The following SORCS1 variants were observed in gnomAD, a reference collection of about 807,000 sequenced individuals.
The protein encoded by SORCS1 is sortilin related VPS10 domain containing receptor 1.
Under a neutral mutation model 146.1 loss-of-function variants are expected in SORCS1, and 60 were observed. That is an observed-to-expected ratio of 0.41 (90% CI 0.33 to 0.51). SORCS1 has a LOEUF of 0.51. Among genes scored for constraint, SORCS1 ranks in the 20% least tolerant of loss-of-function variants. The pLI is 0.21. For missense variants in SORCS1, 1,352 were observed against 1,487.6 expected (o/e 0.91, Z 1.50); for synonymous variants, 637 against 584.0 (o/e 1.09, Z -1.31).
chr10:106,941,314 T>C (rs960539067), intron 2 of SORCS1, among the ~76,000 whole-genome samples: 3 of 152,096 alleles, frequency 2.0e-5, no homozygotes, highest in Non-Finnish European at 4.4e-5. Context: ...GTATGTTTAG[T>C]AGGTGATCCA....
chr10:106,828,637 T>C (rs1190425213), intron 3 of SORCS1, among the ~76,000 whole-genome samples: 2 of 152,230 alleles, frequency 1.3e-5, no homozygotes, highest in African/African-American at 4.8e-5. Flanking sequence ...TTCTATTTCC[T>C]GATTAATACT....
intron 1 of SORCS1, among the ~76,000 whole-genome samples, chr10:107,143,416 C>T (rs1339683602): frequency 6.6e-6 from 1 of 152,168 alleles, no homozygotes; most frequent in African/African-American, 2.4e-5. Context: ...CAACTTACAC[C>T]TCCAGGGCTC....
At chr10:106,821,124 T>C (rs1232148933) in intron 3 of SORCS1, among the ~76,000 whole-genome samples, 1 of 152,218 alleles carries the variant, frequency 6.6e-6, no homozygotes, top group Non-Finnish European at 1.5e-5. Context: ...GGTTTCCTTT[T>C]GTATTTGAGA....
intron 19 of SORCS1, among the ~76,000 whole-genome samples, chr10:106,624,481 C>T (rs150555890): frequency 6.7e-6 from 1 of 150,350 alleles, no homozygotes; most frequent in East Asian, 2.0e-4. Flanking sequence ...CTGCTTCATC[C>T]TCATGAGTAG....
chr10:106,890,643 C>T (rs2137878846), intron 2 of SORCS1, among the ~76,000 whole-genome samples: 1 of 152,210 alleles, frequency 6.6e-6, no homozygotes, highest in South Asian at 2.1e-4. Flanking sequence ...TGAATAGAAA[C>T]ACAAGGGACT....
At chr10:106,919,727 T>C (rs1018510437) in intron 2 of SORCS1, among the ~76,000 whole-genome samples, 1 of 152,192 alleles carries the variant, frequency 6.6e-6, no homozygotes, top group African/African-American at 2.4e-5. Context: ...TAAAAATGTA[T>C]AAATAAAGTC....
intron 3 of SORCS1, among the ~76,000 whole-genome samples, chr10:106,804,130 CATA>C (rs1947049226): frequency 6.6e-6 from 1 of 152,038 alleles, no homozygotes; most frequent in South Asian, 2.1e-4. Flanking sequence ...AAAAAGTACT[CATA>C]ATTATTGTAT....
At chr10:107,175,481 G>A in the SORCS1 span, among the ~76,000 whole-genome samples, 460 of 151,842 alleles carry the variant, frequency 3.0e-3, 2 homozygotes, top group African/African-American at 0.011. Flanking sequence ...TCTGTCACCC[G>A]GGCTGGAGTG....
At chr10:106,733,488 C>A (rs1856753073) in intron 5 of SORCS1, among the ~76,000 whole-genome samples, 1 of 152,130 alleles carries the variant, frequency 6.6e-6, no homozygotes, top group Admixed American at 6.6e-5. Flanking sequence ...CTGTCATTGA[C>A]CAGATACCTT....
At chr10:106,775,617 T>C (rs1264570175) in intron 4 of SORCS1, among the ~76,000 whole-genome samples, 1 of 152,178 alleles carries the variant, frequency 6.6e-6, no homozygotes, top group East Asian at 1.9e-4. Context: ...AGTCCAGTAT[T>C]TCTTTAAATT....
At chr10:106,703,962 A>G (rs1257964269) in intron 8 of SORCS1, among the ~76,000 whole-genome samples, 2 of 152,214 alleles carry the variant, frequency 1.3e-5, no homozygotes, top group African/African-American at 4.8e-5. Flanking sequence ...AAGACTGAGT[A>G]ATGGAACATG....
chr10:106,718,905 T>A (rs1855582596), intron 6 of SORCS1, among the ~76,000 whole-genome samples: 1 of 152,184 alleles, frequency 6.6e-6, no homozygotes, highest in Admixed American at 6.5e-5. Flanking sequence ...AACCTTTAGC[T>A]AGACACAGAC....
intron 10 of SORCS1, among the ~76,000 whole-genome samples, chr10:106,680,094 T>C (rs1451686861): frequency 6.6e-6 from 1 of 152,102 alleles, no homozygotes; most frequent in Non-Finnish European, 1.5e-5. Context: ...CAAAATAGTA[T>C]GAGATTCTAG....
chr10:106,680,111 G>A (rs1160413163), intron 10 of SORCS1, among the ~76,000 whole-genome samples: 1 of 152,182 alleles, frequency 6.6e-6, no homozygotes, highest in Non-Finnish European at 1.5e-5. Flanking sequence ...CTAGAAGGTG[G>A]AGAGACTATG....
intron 1 of SORCS1, among the ~76,000 whole-genome samples, chr10:107,159,884 C>A (rs1004889086): frequency 1.3e-5 from 2 of 151,818 alleles, no homozygotes; most frequent in Admixed American, 1.3e-4. Context: ...CCAAGTCAAG[C>A]ATTCACAGCC....
chr10:106,619,849 G>C (rs1361451082), intron 20 of SORCS1, among the ~76,000 whole-genome samples: 1 of 152,132 alleles, frequency 6.6e-6, no homozygotes, highest in Non-Finnish European at 1.5e-5. Flanking sequence ...GGGAATATTT[G>C]GAAAAACATA....
At chr10:107,038,400 T>TG (rs1190565576) in intron 1 of SORCS1, among the ~76,000 whole-genome samples, 1,680 of 12,768 alleles carry the variant, frequency 0.13, 11 homozygotes, top group Non-Finnish European at 0.18. Flanking sequence ...GTGGGGTGGG[T>TG]GGGGGGGGAG....
At chr10:106,936,098 T>C (rs1316116730) in intron 2 of SORCS1, among the ~76,000 whole-genome samples, 5 of 152,196 alleles carry the variant, frequency 3.3e-5, no homozygotes, top group Non-Finnish European at 7.3e-5. Flanking sequence ...GGAAGCTATC[T>C]ATTCTTAAAT....
intron 6 of SORCS1, among the ~76,000 whole-genome samples, chr10:106,723,692 A>G (rs1387234046): frequency 2.0e-5 from 3 of 152,180 alleles, no homozygotes; most frequent in Admixed American, 6.5e-5. Flanking sequence ...ATCAGTGCCA[A>G]CCATAGACTC....
Sources: allele counts gnomAD v4.1 joint callset (sites outside exome capture counted in the v4.1 genomes callset), GRCh38; gene constraint gnomAD v4.1.1; transcripts MANE v1.5; gene names NCBI Gene and HGNC (gene_info 2026-07-23, HGNC 2026-07-21).